Variants in WWOX observed in about 807,000 individuals in gnomAD.
The protein encoded by WWOX is WW domain-containing oxidoreductase.
Under a neutral mutation model 46.2 loss-of-function variants are expected in WWOX, and 69 were observed. The observed-to-expected ratio is 1.49, with a 90% CI of 1.23 to 1.82. WWOX has a LOEUF of 1.82. WWOX is among the 40% of genes most tolerant of loss of function. The pLI is 0.00. For synonymous variants in WWOX, 359 were observed against 202.6 expected (o/e 1.77, Z -6.56); for missense variants, 919 against 542.6 (o/e 1.69, Z -6.89).
At position 78,627,104 on chromosome 16, in the gene WWOX, T is replaced by C. The variant is rs181602237; in HGVS notation, c.1056+194352T>C. On this transcript the variant is annotated intron_variant, in intron 8 of 8. Coordinates refer to ENST00000566780, the MANE Select transcript of WWOX (RefSeq NM_016373.4). ...ATAATTTCTGGAATCTCAGCCATATTCTTCTTTTTTTTGTTTTAAATAAAA... is the reference window on the plus strand; with the variant it reads ...ATAATTTCTGGAATCTCAGCCATATCCTTCTTTTTTTTGTTTTAAATAAAA... 6.0e-3 allele frequency among the ~76,000 whole-genome samples: 920 copies of C among 152,178 alleles called. 6 individuals are homozygous for C. The highest frequency in any genetic ancestry group is 0.017 in the Middle Eastern group (5 of 294).
intron 8 of WWOX, among the ~76,000 whole-genome samples, chr16:78,461,402 AAG>A (rs1391389566): frequency 6.6e-6 from 1 of 152,228 alleles, no homozygotes; most frequent in Middle Eastern, 3.2e-3. Context: ...ATAGGAAAAA[AAG>A]AAAGAGCGTA....
At chr16:78,320,779 G>A (rs960533841) in intron 5 of WWOX, among the ~76,000 whole-genome samples, 40 of 152,316 alleles carry the variant, frequency 2.6e-4, no homozygotes, top group African/African-American at 9.1e-4. Flanking sequence ...TTGCCTAACA[G>A]AAGAGAGAAG....
intron 8 of WWOX, among the ~76,000 whole-genome samples, chr16:78,935,948 A>G (rs2045728637): frequency 6.6e-6 from 1 of 152,098 alleles, no homozygotes; most frequent in South Asian, 2.1e-4. Context: ...CAGCAGCAGC[A>G]GCTAGGTTCC....
chr16:78,561,735 A>C (rs2044442624), intron 8 of WWOX, among the ~76,000 whole-genome samples: 1 of 152,174 alleles, frequency 6.6e-6, no homozygotes. Context: ...AGGGAATCAG[A>C]GGTTTTATTA....
intron 8 of WWOX, among the ~76,000 whole-genome samples, chr16:78,536,932 T>TGA (rs1011369868): frequency 6.7e-6 from 1 of 149,920 alleles, no homozygotes; most frequent in South Asian, 2.1e-4. Flanking sequence ...CCTCCTTTTT[T>TGA]GAGAGAGAGA....
chr16:78,139,941 C>T (rs58304634), intron 4 of WWOX, among the ~76,000 whole-genome samples: 13,166 of 152,166 alleles, frequency 0.087, 684 homozygotes, highest in East Asian at 0.24. Flanking sequence ...ATTTATCCAC[C>T]GGCTTCTGAC....
At chr16:79,075,775 A>G (rs1433450664) in intron 8 of WWOX, among the ~76,000 whole-genome samples, 2 of 152,130 alleles carry the variant, frequency 1.3e-5, no homozygotes, top group Non-Finnish European at 2.9e-5. Context: ...AAGTAAGGTA[A>G]TGGAAGCAAG....
chr16:79,191,623 C>G (rs866024204), intron 8 of WWOX, among the ~76,000 whole-genome samples: 4 of 152,150 alleles, frequency 2.6e-5, no homozygotes, highest in Non-Finnish European at 5.9e-5. Context: ...GAGAAGGTTT[C>G]TATCAAATCC....
intron 8 of WWOX, among the ~76,000 whole-genome samples, chr16:79,056,700 A>G (rs1305789220): frequency 1.3e-5 from 2 of 152,200 alleles, no homozygotes; most frequent in Non-Finnish European, 2.9e-5. Flanking sequence ...ATTAAGGGTC[A>G]TGTCTCTTGG....
At chr16:79,143,764 G>T (rs1166240210) in intron 8 of WWOX, among the ~76,000 whole-genome samples, 1 of 152,116 alleles carries the variant, frequency 6.6e-6, no homozygotes, top group Non-Finnish European at 1.5e-5. Flanking sequence ...GGAAACTGGG[G>T]CACAGAGGTG....
chr16:79,029,905 A>G (rs1038068521), intron 8 of WWOX, among the ~76,000 whole-genome samples: 2 of 152,332 alleles, frequency 1.3e-5, no homozygotes, highest in South Asian at 2.1e-4. Flanking sequence ...GCATAAACGC[A>G]TATGGTCACT....
At chr16:78,473,568 G>C (rs74721769) in intron 8 of WWOX, among the ~76,000 whole-genome samples, 6 of 152,146 alleles carry the variant, frequency 3.9e-5, no homozygotes, top group African/African-American at 1.4e-4. Flanking sequence ...ACACTTATCT[G>C]TGAGCAGACG....
At position 78,471,853 on chromosome 16, in the gene WWOX, A is replaced by G. The variant is rs549383883; in HGVS notation, c.1056+39101A>G. Among the ~76,000 whole-genome samples, 7 of 152,358 alleles carry G rather than the reference A, an allele frequency of 4.6e-5. No homozygotes were observed. The South Asian group carries it at 8.3e-4, about 18-fold the overall frequency. ...TTATGTACACATTAAATAAACTTTTACATTTTAATGTACCAATTTGCAATT... is the reference window on the plus strand; with the variant it reads ...TTATGTACACATTAAATAAACTTTTGCATTTTAATGTACCAATTTGCAATT... On this transcript the variant is annotated intron_variant, in intron 8 of 8. Transcript: ENST00000566780.
At position 79,099,604 on chromosome 16, in the gene WWOX, G is replaced by A. The variant is rs181221553; in HGVS notation, c.1057-112004G>A. Among the ~76,000 whole-genome samples, 1,064 of 152,076 alleles carry A rather than the reference G, an allele frequency of 7.0e-3. 6 individuals carry two copies. Among genetic ancestry groups the A allele is most frequent in the Non-Finnish European group, 0.012 (789 of 67,992 alleles). On this transcript the variant is annotated intron_variant, in intron 8 of 8. Transcript: ENST00000566780. ...TGTGTGTGTGTTTGTGAGAGAGAGA[G>A]AGAGAGAGAGAGAGAAATCTTTAGG...
At chr16:78,513,715 T>C (rs1040319500) in intron 8 of WWOX, among the ~76,000 whole-genome samples, 5 of 152,200 alleles carry the variant, frequency 3.3e-5, no homozygotes, top group Non-Finnish European at 5.9e-5. Flanking sequence ...ACAATACTTA[T>C]CAGAGCCTTT....
chr16:78,174,101 T>A (rs1170715606), intron 5 of WWOX, among the ~76,000 whole-genome samples: 1 of 152,182 alleles, frequency 6.6e-6, no homozygotes, highest in Non-Finnish European at 1.5e-5. Flanking sequence ...GGTTTCACCA[T>A]AATAATTTTG....
At chr16:78,966,236 A>C (rs1361492014) in intron 8 of WWOX, among the ~76,000 whole-genome samples, 1 of 152,220 alleles carries the variant, frequency 6.6e-6, no homozygotes, top group Non-Finnish European at 1.5e-5. Context: ...CACTGGTTTA[A>C]GAGGCTATAG....
At chr16:78,719,493 G>A (rs974835570) in intron 8 of WWOX, among the ~76,000 whole-genome samples, 4 of 152,234 alleles carry the variant, frequency 2.6e-5, no homozygotes, top group Non-Finnish European at 4.4e-5. Context: ...GCCCTGGAAG[G>A]AGGAGTGTCT....
intron 4 of WWOX, among the ~76,000 whole-genome samples, chr16:78,132,324 C>T (rs1314845484): frequency 6.6e-6 from 1 of 152,160 alleles, no homozygotes; most frequent in South Asian, 2.1e-4. Flanking sequence ...CCACGCCCGG[C>T]CTTGATTTTT....
Sources: gnomAD v4.1 joint callset for allele counts (sites outside exome capture counted in the v4.1 genomes callset) on GRCh38, gnomAD v4.1.1 for gene constraint, MANE v1.5 for transcripts, NCBI Gene and HGNC (gene_info 2026-07-23, HGNC 2026-07-21) for gene names.